CCBE1: variants seen among roughly 807,000 people sequenced by gnomAD.
CCBE1 encodes the protein collagen and calcium-binding EGF domain-containing protein 1.
In CCBE1, 37 loss-of-function variants were observed where a neutral mutation model predicts 50.0. The observed-to-expected ratio is 0.74, with a 90% CI of 0.57 to 0.97. The LOEUF is 0.97. CCBE1 is among the 50% of genes least tolerant of loss of function. The pLI is 0.00. For synonymous variants in CCBE1, 234 were observed against 203.7 expected (o/e 1.15, Z -1.27); for missense variants, 538 against 523.8 (o/e 1.03, Z -0.26).
intron 2 of CCBE1, among the ~76,000 whole-genome samples, chr18:59,694,841 G>A (rs1402929376): frequency 2.0e-5 from 3 of 152,000 alleles, no homozygotes; most frequent in Non-Finnish European, 4.4e-5. Context: ...ATATACACAA[G>A]GATCAACACC....
intron 2 of CCBE1, among the ~76,000 whole-genome samples, chr18:59,589,759 A>G (rs1389028199): frequency 7.1e-6 from 1 of 139,972 alleles, no homozygotes; most frequent in Non-Finnish European, 1.5e-5. Context: ...AGATTGCGCC[A>G]CTGCCAGGGC....
intron 2 of CCBE1, among the ~76,000 whole-genome samples, chr18:59,649,812 T>G (rs1301825525): frequency 1.3e-5 from 2 of 152,244 alleles, no homozygotes; most frequent in Non-Finnish European, 2.9e-5. Context: ...AGAGCTCATG[T>G]TACGGGCTGG....
upstream of CCBE1, chr18:59,697,457 G>T: frequency 7.3e-7 from 1 of 1,378,816 alleles, no homozygotes; most frequent in African/African-American, 1.5e-5. Context: ...GAGAGCAGGG[G>T]CGTTTGCACC....
At chr18:59,607,269 A>G (rs2053510857) in intron 2 of CCBE1, among the ~76,000 whole-genome samples, 1 of 152,208 alleles carries the variant, frequency 6.6e-6, no homozygotes, top group African/African-American at 2.4e-5. Flanking sequence ...TCAGCAATGT[A>G]GAATACGGCC....
At position 59,439,946 on chromosome 18, in the gene CCBE1, A is replaced by C. The variant is rs1242761279; in HGVS notation, c.776-130T>G. 5 of 951,168 alleles carry C rather than the reference A, an allele frequency of 5.3e-6. No homozygotes were observed. The Admixed American group carries it at 1.1e-4, about 20-fold the overall frequency. The allele number at this position is 951,168 out of a possible 1,614,324, so 58.9% of individuals were successfully genotyped here. Reference sequence around the variant, plus strand: ...TCTGCCTTTGCCTTCTGACATCTCCATCAGGCTGTCCCACAGGCATTTTAA... The same window carrying C: ...TCTGCCTTTGCCTTCTGACATCTCCCTCAGGCTGTCCCACAGGCATTTTAA... On this transcript the variant is annotated intron_variant, in intron 7 of 10. Transcript: ENST00000439986.
chr18:59,506,526 CCACTTT>C (rs1913881468), intron 2 of CCBE1, among the ~76,000 whole-genome samples: 1 of 152,244 alleles, frequency 6.6e-6, no homozygotes, highest in Non-Finnish European at 1.5e-5. Flanking sequence ...GCTGGGCAGA[CCACTTT>C]CAGATGAGCA....
intron 2 of CCBE1, among the ~76,000 whole-genome samples, chr18:59,493,526 T>C (rs1335996452): frequency 1.4e-5 from 2 of 147,060 alleles, no homozygotes; most frequent in African/African-American, 2.6e-5. Flanking sequence ...TTCCATAGAT[T>C]ATTTAATTCT....
At chr18:59,439,069 G>A (rs1010271950) in intron 9 of CCBE1, among the ~76,000 whole-genome samples, 16 of 152,112 alleles carry the variant, frequency 1.1e-4, no homozygotes, top group Admixed American at 5.9e-4. Context: ...GGCGGATCAC[G>A]AAGTCAGGAG....
At chr18:59,529,803 C>T (rs890417820) in intron 2 of CCBE1, among the ~76,000 whole-genome samples, 1 of 152,010 alleles carries the variant, frequency 6.6e-6, no homozygotes, top group Non-Finnish European at 1.5e-5. Flanking sequence ...TGATCTTGGC[C>T]CCTCCTAGCC....
chr18:59,489,727 C>T (rs957727093), intron 2 of CCBE1, among the ~76,000 whole-genome samples: 5 of 151,936 alleles, frequency 3.3e-5, no homozygotes, highest in African/African-American at 1.2e-4. Context: ...TTAACTTTCT[C>T]TTGGCAACTA....
At chr18:59,559,863 G>A (rs549017068) in intron 2 of CCBE1, among the ~76,000 whole-genome samples, 16 of 152,140 alleles carry the variant, frequency 1.1e-4, no homozygotes, top group African/African-American at 3.9e-4. Flanking sequence ...TGTTTCACAC[G>A]GCTTGGCAGC....
intron 2 of CCBE1, among the ~76,000 whole-genome samples, chr18:59,516,930 A>T (rs1048434360): frequency 7.9e-5 from 12 of 152,214 alleles, no homozygotes; most frequent in Non-Finnish European, 1.3e-4. Context: ...AACCTTTCTT[A>T]TCACTATCTC....
intron 2 of CCBE1, among the ~76,000 whole-genome samples, chr18:59,676,202 T>C (rs1167504413): frequency 6.6e-6 from 1 of 152,250 alleles, no homozygotes; most frequent in Non-Finnish European, 1.5e-5. Flanking sequence ...CATCACGTTA[T>C]ATACTGTTCT....
intron 2 of CCBE1, among the ~76,000 whole-genome samples, chr18:59,629,861 G>T (rs2053829879): frequency 6.6e-6 from 1 of 152,200 alleles, no homozygotes; most frequent in South Asian, 2.1e-4. Flanking sequence ...GAGGGCTCAT[G>T]GAGGATGTGT....
chr18:59,439,173 G>A (rs1270920641), intron 9 of CCBE1, among the ~76,000 whole-genome samples: 1 of 152,198 alleles, frequency 6.6e-6, no homozygotes, highest in Non-Finnish European at 1.5e-5. Context: ...TGTAGTCCCA[G>A]CTACTCGGGA....
At chr18:59,621,106 A>T (rs2144605487) in intron 2 of CCBE1, among the ~76,000 whole-genome samples, 1 of 152,314 alleles carries the variant, frequency 6.6e-6, no homozygotes, top group East Asian at 1.9e-4. Context: ...CTTAGAAGGG[A>T]TTCCCAGGAC....
chr18:59,446,434 G>A (rs1196652535), intron 7 of CCBE1, among the ~76,000 whole-genome samples: 1 of 152,170 alleles, frequency 6.6e-6, no homozygotes, highest in East Asian at 1.9e-4. Context: ...CAGCCAGAGG[G>A]TGCCTGTGTG....
intron 2 of CCBE1, among the ~76,000 whole-genome samples, chr18:59,678,603 G>A (rs982869813): frequency 8.5e-5 from 13 of 152,122 alleles, no homozygotes; most frequent in South Asian, 6.2e-4. Flanking sequence ...TGTGATCTCC[G>A]CTCAGTGCAA....
chr18:59,450,223 C>T (rs1275825006), intron 6 of CCBE1, among the ~76,000 whole-genome samples: 4 of 152,168 alleles, frequency 2.6e-5, no homozygotes, highest in Non-Finnish European at 5.9e-5. Context: ...CCGTGAGATG[C>T]ATCTTGAAGG....
Sources: gnomAD v4.1 joint callset for allele counts (sites outside exome capture counted in the v4.1 genomes callset) on GRCh38, gnomAD v4.1.1 for gene constraint, MANE v1.5 for transcripts, NCBI Gene and HGNC (gene_info 2026-07-23, HGNC 2026-07-21) for gene names.